Variants in FOXO1 observed in about 807,000 individuals in gnomAD.
The protein encoded by FOXO1 is forkhead box protein O1.
Under a neutral mutation model 44.1 loss-of-function variants are expected in FOXO1, and 6 were observed. That is an observed-to-expected ratio of 0.14 (90% CI 0.07 to 0.27). The LOEUF is 0.27. Among genes scored for constraint, FOXO1 ranks in the 10% least tolerant of loss-of-function variants. The probability of loss-of-function intolerance (pLI) is 1.00; values close to 1 mark genes in which losing one functional copy is unlikely to be tolerated. For missense variants in FOXO1, 737 were observed against 888.8 expected, an observed-to-expected ratio of 0.83 and a Z score of 2.17; for synonymous variants, 380 against 362.7, an observed-to-expected ratio of 1.05 and a Z score of -0.54.
At chr13:40,641,429 T>A (rs186692976) in intron 1 of FOXO1, among the ~76,000 whole-genome samples, 36 of 151,336 alleles carry the variant, frequency 2.4e-4, no homozygotes, top group African/African-American at 8.0e-4. Context: ...CATATATATA[T>A]ATATCATTAT....
intron 1 of FOXO1, among the ~76,000 whole-genome samples, chr13:40,601,673 T>C (rs1365948435): frequency 6.6e-6 from 1 of 152,224 alleles, no homozygotes; most frequent in East Asian, 1.9e-4. Context: ...AGTGATTAAA[T>C]GGGTTTTTTG....
At position 40,665,756 on chromosome 13, in the gene FOXO1, T is replaced by C; in HGVS notation, c.457A>G (p.Ser153Gly). 2.9e-6 allele frequency: 4 copies of C among 1,391,802 alleles called. No homozygotes were observed. The highest frequency in any genetic ancestry group is 2.8e-6 in the Non-Finnish European group (3 of 1,056,004). 86.2% of individuals were successfully genotyped at this position (1,391,802 alleles called of 1,614,324 possible). A position where few individuals can be genotyped will look rare whatever the true frequency, so the allele number is the denominator to read the frequency against. Residue 153 changes from serine to glycine, a missense_variant, in exon 1 of 3, where the codon AGC becomes GGC. By Grantham distance (56) the Ser-to-Gly change is moderately conservative. Coordinates refer to ENST00000379561, the MANE Select transcript of FOXO1 (RefSeq NM_002015.4). ...CCCCACGCGTTGCGGCGGGACGAGC[T>C]GCTCTTGCGCGGCTGCCCCGCGAGC... ...GPLAGQPRKS[S>G]SSRRNAWGNL...
chr13:40,591,443 A>G (rs967245444), intron 1 of FOXO1, among the ~76,000 whole-genome samples: 1 of 152,180 alleles, frequency 6.6e-6, no homozygotes, highest in Non-Finnish European at 1.5e-5. Flanking sequence ...GAGCAGCTGA[A>G]GGTCCAGAGA....
chr13:40,614,067 T>C (rs1017898898), intron 1 of FOXO1, among the ~76,000 whole-genome samples: 1 of 152,208 alleles, frequency 6.6e-6, no homozygotes. Context: ...TTCTGGTTCC[T>C]GATTTCAGTG....
chr13:40,638,359 A>G (rs1877229465), intron 1 of FOXO1, among the ~76,000 whole-genome samples: 1 of 152,294 alleles, frequency 6.6e-6, no homozygotes, highest in East Asian at 1.9e-4. Context: ...GGAAGACATT[A>G]TATGAAAGAA....
chr13:40,603,064 G>T (rs1042047003), intron 1 of FOXO1, among the ~76,000 whole-genome samples: 1 of 152,148 alleles, frequency 6.6e-6, no homozygotes, highest in Non-Finnish European at 1.5e-5. Flanking sequence ...CAATCTGACA[G>T]AGCCATTTCC....
chr13:40,594,893 C>T (rs1875518552), intron 1 of FOXO1, among the ~76,000 whole-genome samples: 1 of 152,110 alleles, frequency 6.6e-6, no homozygotes, highest in African/African-American at 2.4e-5. Context: ...CACTATGTTG[C>T]CCAGACTAGT....
intron 1 of FOXO1, among the ~76,000 whole-genome samples, chr13:40,640,795 T>TTGC (rs1373350381): frequency 1.2e-5 from 1 of 85,556 alleles, no homozygotes; most frequent in Non-Finnish European, 2.4e-5. Flanking sequence ...GTTGTTGTTG[T>TTGC]TGTTTGAGAC....
chr13:40,640,879 G>A (rs1348628934), intron 1 of FOXO1, among the ~76,000 whole-genome samples: 5 of 152,004 alleles, frequency 3.3e-5, no homozygotes, highest in Non-Finnish European at 7.4e-5. Context: ...TGCCTCCTGG[G>A]TTCAAGCCAT....
intron 1 of FOXO1, among the ~76,000 whole-genome samples, chr13:40,602,303 A>G (rs1365916434): frequency 6.6e-6 from 1 of 152,246 alleles, no homozygotes; most frequent in East Asian, 1.9e-4. Context: ...CATTTGCAAG[A>G]AACTAAGCCG....
chr13:40,636,182 T>G (rs1286414128), intron 1 of FOXO1, among the ~76,000 whole-genome samples: 1 of 150,550 alleles, frequency 6.6e-6, no homozygotes, highest in Non-Finnish European at 1.5e-5. Context: ...ACCACCCTAC[T>G]CCAACCTGGG....
At chr13:40,664,057 G>C (rs1002647448) in intron 1 of FOXO1, among the ~76,000 whole-genome samples, 5 of 152,186 alleles carry the variant, frequency 3.3e-5, no homozygotes, top group African/African-American at 1.2e-4. Context: ...GGCCGATCAC[G>C]AGGTCAGGAG....
chr13:40,573,210 A>C (rs569396992), intron 1 of FOXO1, among the ~76,000 whole-genome samples: 6 of 152,334 alleles, frequency 3.9e-5, no homozygotes, highest in Admixed American at 6.5e-5. Context: ...AGCAGAAAAG[A>C]AGCCTGCAGA....
intron 1 of FOXO1, among the ~76,000 whole-genome samples, chr13:40,592,999 G>A (rs1465863345): frequency 5.3e-5 from 8 of 152,106 alleles, no homozygotes; most frequent in Non-Finnish European, 8.8e-5. Context: ...AGAATAAAGG[G>A]AAGCATTTTG....
At position 40,610,290 on chromosome 13, in the gene FOXO1, T is replaced by C. The variant is rs533096978; in HGVS notation, c.631-49430A>G. ...ATAACAGTGAAATTTTAAAAAATGG[T>C]AATTATGATGAGGCATCTGTCTATT... is the stretch of plus-strand genomic sequence containing the variant. On this transcript the variant is annotated intron_variant, in intron 1 of 2. Transcript: ENST00000379561. Among the ~76,000 whole-genome samples the C allele has an allele frequency of 2.6e-5, 4 of 152,246 alleles. No homozygotes were observed. In the South Asian group the frequency reaches 8.3e-4, roughly 32 times the overall value.
intron 1 of FOXO1, among the ~76,000 whole-genome samples, chr13:40,589,403 T>C (rs1299750318): frequency 6.6e-6 from 1 of 152,234 alleles, no homozygotes; most frequent in Admixed American, 6.5e-5. Context: ...ACAACTTTCA[T>C]ATCCATTTCA....
At chr13:40,574,326 T>A (rs192900592) in intron 1 of FOXO1, among the ~76,000 whole-genome samples, 2 of 152,312 alleles carry the variant, frequency 1.3e-5, no homozygotes, top group East Asian at 3.9e-4. Context: ...TATGTCTGTG[T>A]CCAAGTTAGA....
At chr13:40,559,393 T>C in intron 2 of FOXO1, 116 bp downstream of exon 2, 1 of 913,654 alleles carries the variant, frequency 1.1e-6, no homozygotes, top group Admixed American at 2.8e-5. Flanking sequence ...AAAAGATCCC[T>C]CTCTGCAAGG....
chr13:40,566,202 A>G (rs1874262888), intron 1 of FOXO1, among the ~76,000 whole-genome samples: 1 of 152,096 alleles, frequency 6.6e-6, no homozygotes, highest in Admixed American at 6.5e-5. Context: ...GGGAAGCTCC[A>G]TGAAGGATGG....
Sources: gnomAD v4.1 joint callset for allele counts (sites outside exome capture counted in the v4.1 genomes callset) on GRCh38, gnomAD v4.1.1 for gene constraint, MANE v1.5 for transcripts, NCBI Gene and HGNC (gene_info 2026-07-23, HGNC 2026-07-21) for gene names.